The following CDH12 variants were observed in gnomAD, a reference collection of about 807,000 sequenced individuals.
CDH12 encodes the protein cadherin 12, also known as cadherin-12.
A neutral mutation model predicts 74.1 loss-of-function variants in CDH12; 41 were observed. The observed-to-expected ratio is 0.55, with a 90% confidence interval of 0.43 to 0.72. The LOEUF (loss-of-function observed/expected upper bound fraction) is 0.72. CDH12 is among the 30% of genes least tolerant of loss of function. The probability of loss-of-function intolerance (pLI) is 0.00; values close to 1 mark genes in which losing one functional copy is unlikely to be tolerated. For missense variants in CDH12, 945 were observed against 977.2 expected (o/e 0.97, Z 0.44); for synonymous variants, 399 against 355.0 (o/e 1.12, Z -1.39).
At chr5:22,112,343 T>C (rs1033410725) in intron 4 of CDH12, among the ~76,000 whole-genome samples, 1 of 152,154 alleles carries the variant, frequency 6.6e-6, no homozygotes, top group African/African-American at 2.4e-5. Context: ...TGTTTTTTCT[T>C]TTTGATGCAT....
At chr5:22,428,232 A>G (rs1467365925) in intron 2 of CDH12, among the ~76,000 whole-genome samples, 1 of 144,456 alleles carries the variant, frequency 6.9e-6, no homozygotes, top group Non-Finnish European at 1.5e-5. Context: ...CACACACACA[A>G]TCTATGTGCA....
intron 6 of CDH12, among the ~76,000 whole-genome samples, chr5:21,929,100 A>G (rs1754720583): frequency 1.3e-5 from 2 of 151,902 alleles, no homozygotes. Context: ...TGGGAGGCCA[A>G]ATATATATTC....
chr5:22,126,297 T>A (rs1745865470), intron 4 of CDH12, among the ~76,000 whole-genome samples: 1 of 152,148 alleles, frequency 6.6e-6, no homozygotes, highest in African/African-American at 2.4e-5. Context: ...AGTCATCAGC[T>A]AAGTGGCCCT....
chr5:22,009,162 C>T (rs1023361348), intron 5 of CDH12, among the ~76,000 whole-genome samples: 6 of 152,176 alleles, frequency 3.9e-5, no homozygotes, highest in Non-Finnish European at 7.3e-5. Flanking sequence ...CTAATATACC[C>T]TGTTCTTACA....
At chr5:22,222,386 G>A (rs1752047398) in intron 3 of CDH12, among the ~76,000 whole-genome samples, 1 of 151,996 alleles carries the variant, frequency 6.6e-6, no homozygotes, top group South Asian at 2.1e-4. Context: ...TAAAGACCAC[G>A]AATTAGGTTC....
At chr5:22,039,531 T>C (rs1399549536) in intron 5 of CDH12, among the ~76,000 whole-genome samples, 1 of 152,146 alleles carries the variant, frequency 6.6e-6, no homozygotes, top group Non-Finnish European at 1.5e-5. Flanking sequence ...CTGCAATTAC[T>C]TGTAGGCCCT....
At chr5:22,218,423 C>T (rs1326838753) in intron 3 of CDH12, among the ~76,000 whole-genome samples, 1 of 151,710 alleles carries the variant, frequency 6.6e-6, no homozygotes, top group Non-Finnish European at 1.5e-5. Context: ...ACTACTAGTA[C>T]ACTTAACAAC....
chr5:22,589,122 C>A (rs1740552754), intron 1 of CDH12, among the ~76,000 whole-genome samples: 1 of 152,036 alleles, frequency 6.6e-6, no homozygotes, highest in Non-Finnish European at 1.5e-5. Context: ...TCATTGATTG[C>A]CTGATGGAAT....
In CDH12 at chr5:22,191,553, T is replaced by C. The variant is rs538361076; in HGVS notation, c.-187+20945A>G. On this transcript the variant is annotated intron_variant, in intron 4 of 14. Transcript: ENST00000382254. ...ATAAGTTGTCTATATACACCAATGG[T>C]CTTTTTATTTTTATTTTTTTTTTTT... Among the ~76,000 whole-genome samples, 69 of 56,420 alleles carry C rather than the reference T, an allele frequency of 1.2e-3. 1 individual carries two copies. The highest frequency in any genetic ancestry group is 0.023 in the Middle Eastern group (1 of 44). 37.0% of individuals were successfully genotyped at this position (56,420 alleles called of 152,430 possible).
intron 1 of CDH12, among the ~76,000 whole-genome samples, chr5:22,846,938 ATTT>A (rs562362220): frequency 1.2e-5 from 1 of 86,108 alleles, no homozygotes. Context: ...ATATGAAAGA[ATTT>A]TTTTAATACC....
At position 22,091,195 on chromosome 5, in the gene CDH12, GTGTA is replaced by G. The variant is rs1418040177; in HGVS notation, c.-186-12337_-186-12334del. Among the ~76,000 whole-genome samples the G allele has an allele frequency of 2.6e-3, 350 of 132,204 alleles. 2 individuals are homozygous for G. Among genetic ancestry groups the G allele is most frequent in the African/African-American group, 9.8e-3 (320 of 32,634 alleles). 86.7% of individuals were successfully genotyped at this position (132,204 alleles called of 152,430 possible). ...TAAATATCCTAAAGTGTGTGTGTGT[GTGTA>G]TATATATATATATATATATATAGCT... On this transcript the variant is annotated intron_variant, in intron 4 of 14. Coordinates refer to ENST00000382254, the MANE Select transcript of CDH12 (RefSeq NM_004061.5).
chr5:21,971,179 T>C (rs1194208696), intron 6 of CDH12, among the ~76,000 whole-genome samples: 5 of 152,100 alleles, frequency 3.3e-5, no homozygotes, highest in African/African-American at 1.2e-4. Flanking sequence ...CTTTCCAAAT[T>C]CTTAAGTAGA....
chr5:22,807,327 T>A (rs2126437187), intron 1 of CDH12, among the ~76,000 whole-genome samples: 1 of 152,304 alleles, frequency 6.6e-6, no homozygotes, highest in South Asian at 2.1e-4. Context: ...AATTTCAGTT[T>A]CTTTTGAATG....
intron 1 of CDH12, among the ~76,000 whole-genome samples, chr5:22,554,320 G>C (rs1738701965): frequency 6.6e-6 from 1 of 152,064 alleles, no homozygotes; most frequent in Non-Finnish European, 1.5e-5. Context: ...GGCTGATAAT[G>C]ATGTGTCCAT....
intron 1 of CDH12, among the ~76,000 whole-genome samples, chr5:22,837,588 T>C (rs115032522): frequency 0.011 from 1,611 of 152,256 alleles, 15 homozygotes; most frequent in Non-Finnish European, 0.016. Context: ...TGTAAAAATA[T>C]GTTATTATGA....
intron 8 of CDH12, among the ~76,000 whole-genome samples, chr5:21,839,530 T>C (rs1450873890): frequency 6.6e-6 from 1 of 152,156 alleles, no homozygotes; most frequent in East Asian, 1.9e-4. Flanking sequence ...TCAAAGCATT[T>C]GGCCTTTAGA....
rs541616998 is a variant in CDH12 at position 22,177,904 on chromosome 5, G to A, written c.-187+34594C>T. ...GTAGCTAGCTTACTAAACATAGCAT[G>A]GTGAACACTTAATTCCAATCATAAA... On this transcript the variant is annotated intron_variant, in intron 4 of 14. Transcript: ENST00000382254. Among the ~76,000 whole-genome samples, 22 of 152,258 alleles carry A rather than the reference G, an allele frequency of 1.4e-4. No homozygotes were observed. The South Asian group carries it at 4.6e-3, about 32-fold the overall frequency.
rs187438110 is a variant in CDH12, at chr5:22,097,979, T to C, written c.-186-19117A>G. 4.4e-3 allele frequency among the ~76,000 whole-genome samples: 672 copies of C among 152,290 alleles called. 1 individual carries two copies. Among genetic ancestry groups the C allele is most frequent in the Admixed American group, 7.4e-3 (113 of 15,288 alleles). On this transcript the variant is annotated intron_variant, in intron 4 of 14. Coordinates refer to ENST00000382254, the MANE Select transcript of CDH12 (RefSeq NM_004061.5). The stretch of plus-strand genomic sequence containing the variant: ...GGCTTACAGGTTAGTTCAAGATCTG[T>C]GCCTTATCAACCAAATTGTTTTGCC...
intron 3 of CDH12, among the ~76,000 whole-genome samples, chr5:22,301,639 A>AT (rs943233408): frequency 6.6e-5 from 10 of 150,730 alleles, no homozygotes; most frequent in Admixed American, 2.7e-4. Context: ...TTATTTTTTA[A>AT]TTTTTTTTTC....
Sources: allele counts gnomAD v4.1 joint callset (sites outside exome capture counted in the v4.1 genomes callset), GRCh38; gene constraint gnomAD v4.1.1; transcripts MANE v1.5; gene names NCBI Gene and HGNC (gene_info 2026-07-23, HGNC 2026-07-21).